Variants in RBM25 observed in about 807,000 individuals in gnomAD.
RBM25 encodes RNA-binding protein 25.
RBM25 carries 19 observed loss-of-function variants against 120.7 expected under a neutral mutation model. That is an observed-to-expected ratio of 0.16 (90% CI 0.11 to 0.23). The LOEUF is 0.23. Ranked by LOEUF, RBM25 falls within the 10% of genes least tolerant of loss-of-function variation. RBM25 has a pLI of 1.00. For synonymous variants in RBM25, 390 were observed against 326.7 expected (o/e 1.19, Z -2.09); for missense variants, 605 against 1,041.5 (o/e 0.58, Z 5.77).
At chr14:73,070,473 T>C (rs1452048368) in intron 1 of RBM25, among the ~76,000 whole-genome samples, 1 of 152,130 alleles carries the variant, frequency 6.6e-6, no homozygotes, top group Non-Finnish European at 1.5e-5. Context: ...TTTTTTCTCT[T>C]GTCAAAAGTT....
intron 1 of RBM25, among the ~76,000 whole-genome samples, chr14:73,067,067 ATTTTTT>A (rs375705058): frequency 9.1e-5 from 12 of 131,200 alleles, no homozygotes; most frequent in South Asian, 2.4e-4. Flanking sequence ...GATACATATA[ATTTTTT>A]TTTTTTTTTT....
chr14:73,119,195 G>T (rs1171189116), intron 18 of RBM25, among the ~76,000 whole-genome samples: 2 of 152,164 alleles, frequency 1.3e-5, no homozygotes, highest in Non-Finnish European at 2.9e-5. Flanking sequence ...AATTTAAGAA[G>T]AACTAAATAT....
chr14:73,113,549 C>T (rs8008490), intron 17 of RBM25, among the ~76,000 whole-genome samples: 3 of 151,500 alleles, frequency 2.0e-5, no homozygotes, highest in South Asian at 4.2e-4. Context: ...AAATTGGGTG[C>T]GCTGGGTGGC....
chr14:73,099,607 C>G lies in RBM25; in HGVS notation c.784-60C>G. ...CCTATACAGAATATCTAACCTTTAACTGTTTATATTGAAGTAGGGTGTTCT... is the reference window on the plus strand; with the variant it reads ...CCTATACAGAATATCTAACCTTTAAGTGTTTATATTGAAGTAGGGTGTTCT... On this transcript the variant is annotated intron_variant, in intron 8 of 18. Coordinates refer to ENST00000261973, the MANE Select transcript of RBM25 (RefSeq NM_021239.3). 1.1e-5 allele frequency: 17 copies of G among 1,585,872 alleles called. No individual in the cohort carries two copies. In the South Asian group the frequency reaches 2.0e-4, roughly 19 times the overall value.
At chr14:73,088,328 C>G in intron 6 of RBM25, 167 bp downstream of exon 6, 1 of 892,402 alleles carries the variant, frequency 1.1e-6, no homozygotes, top group Non-Finnish European at 1.8e-6. Context: ...TAAGTCTTAT[C>G]TGCCCATAGT....
chr14:73,082,943 G>A (rs114775744), intron 4 of RBM25, among the ~76,000 whole-genome samples: 2,326 of 151,910 alleles, frequency 0.015, 61 homozygotes, highest in African/African-American at 0.053. Context: ...ATCCAGGCGT[G>A]GTGGTGCCTG....
intron 2 of RBM25, among the ~76,000 whole-genome samples, chr14:73,075,254 C>T (rs1380369061): frequency 6.6e-6 from 1 of 150,896 alleles, no homozygotes; most frequent in African/African-American, 2.4e-5. Context: ...CTCTGCCTCC[C>T]GGGTTCAAGC....
chr14:73,111,965 A>G (rs1370007518), intron 16 of RBM25, among the ~76,000 whole-genome samples, 163 bp downstream of exon 16: 2 of 152,224 alleles, frequency 1.3e-5, no homozygotes, highest in Admixed American at 6.5e-5. Context: ...AATTAGTAAT[A>G]ATGGAAATTT....
At chr14:73,094,295 TAGC>T (rs199770364) in intron 6 of RBM25, among the ~76,000 whole-genome samples, 1,811 of 151,932 alleles carry the variant, frequency 0.012, 36 homozygotes, top group African/African-American at 0.042. Flanking sequence ...TTTTAAATAT[TAGC>T]AATCAGTTAA....
chr14:73,091,240 G>T (rs1895807277), intron 6 of RBM25, among the ~76,000 whole-genome samples: 1 of 152,082 alleles, frequency 6.6e-6, no homozygotes, highest in South Asian at 2.1e-4. Context: ...TTTTTTTGGG[G>T]TGGGGACAGA....
At chr14:73,071,176 A>C (rs938896973) in intron 1 of RBM25, among the ~76,000 whole-genome samples, 1 of 145,496 alleles carries the variant, frequency 6.9e-6, no homozygotes, top group Non-Finnish European at 1.5e-5. Flanking sequence ...CGGGAGGCGG[A>C]GGTTGCAATG....
chr14:73,083,883 A>G (rs1036589771), intron 5 of RBM25, among the ~76,000 whole-genome samples: 3 of 151,688 alleles, frequency 2.0e-5, no homozygotes, highest in Non-Finnish European at 4.4e-5. Context: ...AGAAGAGACA[A>G]TCATGGCCTG....
chr14:73,095,503 G>C (rs1433881127), intron 6 of RBM25, among the ~76,000 whole-genome samples: 2 of 151,920 alleles, frequency 1.3e-5, no homozygotes, highest in African/African-American at 4.8e-5. Context: ...CTACTCAGGA[G>C]GCTAAGGCAG....
intron 6 of RBM25, among the ~76,000 whole-genome samples, chr14:73,095,264 T>C (rs1192609984): frequency 6.6e-6 from 1 of 152,190 alleles, no homozygotes; most frequent in Non-Finnish European, 1.5e-5. Context: ...CGTTTTTCAA[T>C]TTGGATTTTA....
intron 10 of RBM25, among the ~76,000 whole-genome samples, chr14:73,103,988 ACACACACT>A (rs1304039480): frequency 4.1e-4 from 48 of 118,410 alleles, no homozygotes; most frequent in African/African-American, 7.9e-4. Flanking sequence ...ACACACACAC[ACACACACT>A]CTCTCTCTCT....
At chr14:73,109,970 C>T (rs1282409711) in intron 14 of RBM25, among the ~76,000 whole-genome samples, 1 of 148,836 alleles carries the variant, frequency 6.7e-6, no homozygotes, top group African/African-American at 2.5e-5. Flanking sequence ...CTGCAGCCTC[C>T]ACTTCCCAGG....
chr14:73,093,610 G>T (rs750203875), intron 6 of RBM25, among the ~76,000 whole-genome samples: 57 of 151,336 alleles, frequency 3.8e-4, no homozygotes, highest in Non-Finnish European at 6.8e-4. Context: ...GGGTTCAAGC[G>T]ATTCTCCTGC....
chr14:73,089,884 A>G (rs1435325416), intron 6 of RBM25, among the ~76,000 whole-genome samples: 2 of 152,000 alleles, frequency 1.3e-5, no homozygotes, highest in Non-Finnish European at 2.9e-5. Context: ...TCCTCACCTT[A>G]GGTGATCTGT....
intron 5 of RBM25, among the ~76,000 whole-genome samples, chr14:73,087,165 C>T (rs1452045795): frequency 6.6e-6 from 1 of 151,960 alleles, no homozygotes; most frequent in Non-Finnish European, 1.5e-5. Flanking sequence ...GGTTGCTCTT[C>T]TTAGATTTAA....
Sources: allele counts gnomAD v4.1 joint callset (sites outside exome capture counted in the v4.1 genomes callset), GRCh38; gene constraint gnomAD v4.1.1; transcripts MANE v1.5; gene names NCBI Gene and HGNC (gene_info 2026-07-23, HGNC 2026-07-21).